Variants in SIRPB2 observed in about 807,000 individuals in gnomAD.
SIRPB2 encodes the protein signal regulatory protein beta 2.
In SIRPB2, 18 loss-of-function variants were observed where a neutral mutation model predicts 27.1. The observed-to-expected ratio is 0.66, with a 90% CI of 0.46 to 0.98. The LOEUF (loss-of-function observed/expected upper bound fraction) is 0.98, where lower values mean the gene tolerates loss of function less well. SIRPB2 is among the 50% of genes least tolerant of loss of function. The pLI is 0.00. For missense variants in SIRPB2, 420 were observed against 417.4 expected, an observed-to-expected ratio of 1.01 and a Z score of -0.06; for synonymous variants, 150 against 164.6, an observed-to-expected ratio of 0.91 and a Z score of 0.68.
At chr20:1,485,772 A>C (rs2090720219) in intron 1 of SIRPB2, among the ~76,000 whole-genome samples, 1 of 152,122 alleles carries the variant, frequency 6.6e-6, no homozygotes, top group South Asian at 2.1e-4. Flanking sequence ...GAAAGAACCT[A>C]AATTATTAAA....
At chr20:1,476,708 G>A (rs987818464) in intron 4 of SIRPB2, 17 of 1,048,936 alleles carry the variant, frequency 1.6e-5, no homozygotes, top group African/African-American at 1.0e-4. Flanking sequence ...AAGAAGTCAC[G>A]GGACCCAGGC....
intron 1 of SIRPB2, among the ~76,000 whole-genome samples, chr20:1,480,749 G>T (rs934907170): frequency 1.3e-5 from 2 of 152,178 alleles, no homozygotes; most frequent in African/African-American, 4.8e-5. Flanking sequence ...CATTTCTATT[G>T]TTCAAGCCGC....
At position 1,477,875 on chromosome 20, in the gene SIRPB2, G is replaced by A. The variant is rs374203558; in HGVS notation, c.793+391C>T. Among the ~76,000 whole-genome samples, 7 of 152,072 alleles carry A rather than the reference G, an allele frequency of 4.6e-5. No homozygotes were observed. In the East Asian group the frequency reaches 7.7e-4, roughly 17 times the overall value. On this transcript the variant is annotated intron_variant, in intron 3 of 4. Transcript: ENST00000359801. The stretch of plus-strand genomic sequence containing the variant: ...TTTTTATTACAGACGGGGTTTCACC[G>A]TGTTGGTCAGGCTGGTCTTGAACTC...
chr20:1,479,812 AT>A lies in SIRPB2; in HGVS notation c.338del (p.Tyr113LeufsTer16). On this transcript the variant is annotated frameshift_variant, in exon 2 of 5. Coordinates refer to ENST00000359801, the MANE Select transcript of SIRPB2 (RefSeq NM_001122962.2). LOFTEE classifies it high-confidence loss of function. ...SEPLNCDYSI[Y>X]IHNVTREHTG... ...TGTGCTCCCTGGTGACATTGTGGAT[AT>A]AGATGGAATAATCACAATTCAGTGG... is the stretch of plus-strand genomic sequence containing the variant. 6.2e-7 allele frequency: 1 copy of A among 1,614,260 alleles called. No homozygotes were observed. The highest frequency in any genetic ancestry group is 8.5e-7 in the Non-Finnish European group (1 of 1,180,050).
At chr20:1,479,069 G>A (rs1050863304) in intron 2 of SIRPB2, 4 of 165,996 alleles carry the variant, frequency 2.4e-5, no homozygotes, top group Admixed American at 1.1e-4. Flanking sequence ...TTAATCACCC[G>A]AATGACCCTT....
At chr20:1,476,749 G>T in intron 4 of SIRPB2, 1 of 1,054,546 alleles carries the variant, frequency 9.5e-7, no homozygotes, top group Non-Finnish European at 1.1e-6. Context: ...CAGGAGCAGG[G>T]CCGAGCATCA....
rs566235513 is a variant in SIRPB2 at position 1,475,346 on chromosome 20, A to T, written c.*821T>A. The T allele has an allele frequency of 7.2e-5, 11 of 152,358 alleles. No homozygotes were observed. Among genetic ancestry groups the T allele is most frequent in the African/African-American group, 1.9e-4 (8 of 41,568 alleles). The allele number at this position is 152,358 out of a possible 1,614,324, so 9.4% of individuals were successfully genotyped here. A position where few individuals can be genotyped will look rare whatever the true frequency, so the allele number is the denominator to read the frequency against. ...CTAGTGAAAACTTGCAGCTGGGCGC[A>T]TTGCTGCCAGAAATAAAGACTACAT... On this transcript the variant is annotated 3_prime_UTR_variant, in exon 5 of 5. Transcript: ENST00000359801.
chr20:1,484,363 A>G (rs1443599152), intron 1 of SIRPB2, among the ~76,000 whole-genome samples: 2 of 152,244 alleles, frequency 1.3e-5, no homozygotes, highest in South Asian at 2.1e-4. Flanking sequence ...ATATTAAACT[A>G]AAAAGCTTCT....
At chr20:1,477,264 T>C (rs768506702) in intron 4 of SIRPB2, 74 bp downstream of exon 4, 13 of 1,613,962 alleles carry the variant, frequency 8.1e-6, no homozygotes, top group Non-Finnish European at 1.0e-5. Flanking sequence ...ACTGCTCCCT[T>C]CCCATGACCA....
chr20:1,476,434 G>A (rs973000170), intron 4 of SIRPB2, 98 bp from the exon 5 acceptor site: 1 of 1,229,304 alleles, frequency 8.1e-7, no homozygotes, highest in Non-Finnish European at 1.1e-6. Flanking sequence ...TCCTGCTGCT[G>A]TATAACCTCT....
downstream of SIRPB2, chr20:1,473,918 C>T: frequency 2.2e-6 from 1 of 455,006 alleles, no homozygotes; most frequent in Non-Finnish European, 4.4e-6. Flanking sequence ...TTTCTGAAGT[C>T]CCGAAGTCTG....
chr20:1,479,742 A>C lies in SIRPB2; in HGVS notation c.409T>G (p.Ser137Ala). The change falls in exon 2 of 5, where the codon TCA (serine) becomes GCA (alanine). Residue 137 changes from serine (S) to alanine (A), a missense_variant. Transcript: ENST00000359801. ...GTGCCTTCATCCGATTTCATTTCTGAGTGTTCACTCAAACCATCAAACCTC... is the reference window on the plus strand; with the variant it reads ...GTGCCTTCATCCGATTTCATTTCTGCGTGTTCACTCAAACCATCAAACCTC... ...CVRFDGLSEH[S>A]EMKSDEGTSV... 6 of 1,614,174 alleles carry C rather than the reference A, an allele frequency of 3.7e-6. No individual in the cohort carries two copies. The highest frequency in any genetic ancestry group is 5.1e-6 in the Non-Finnish European group (6 of 1,180,034).
At position 1,487,320 on chromosome 20, in the gene SIRPB2, G is replaced by C. The variant is rs2090736194; in HGVS notation, c.85+3955C>G. On this transcript the variant is annotated intron_variant, in intron 1 of 4. Transcript: ENST00000359801. ...AAAAAATCAAGCCTAAATAAATAGA[G>C]AGGTACACACTGTTCATATGTTGGA... 2.0e-5 allele frequency among the ~76,000 whole-genome samples: 3 copies of C among 152,152 alleles called. 1 individual carries two copies. The South Asian group carries it at 6.2e-4, about 31-fold the overall frequency.
chr20:1,476,539 A>T, intron 4 of SIRPB2: 1 of 359,094 alleles, frequency 2.8e-6, no homozygotes, highest in Non-Finnish European at 3.9e-6. Flanking sequence ...TTCTGCCTGC[A>T]TCTGTAATCA....
At chr20:1,486,704 A>C (rs2090730201) in intron 1 of SIRPB2, among the ~76,000 whole-genome samples, 1 of 152,146 alleles carries the variant, frequency 6.6e-6, no homozygotes, top group African/African-American at 2.4e-5. Flanking sequence ...AAACTAACAC[A>C]CACACACACG....
intron 4 of SIRPB2, chr20:1,476,658 C>A (rs180719758): frequency 7.9e-6 from 8 of 1,008,338 alleles, no homozygotes; most frequent in Non-Finnish European, 7.2e-6. Flanking sequence ...GGAGACAGAC[C>A]CAGAGTGGGG....
Position 1,475,927 on chromosome 20 carries a change from A to C in SIRPB2, c.*240T>G. On this transcript the variant is annotated 3_prime_UTR_variant, in exon 5 of 5. Coordinates refer to ENST00000359801, the MANE Select transcript of SIRPB2 (RefSeq NM_001122962.2). Reference sequence around the variant, plus strand: ...GGGCAAGGGTGTTGAGGAGAGACTGAGCCAGGGACTGAAAAGCAAGGAGGT... The same window carrying C: ...GGGCAAGGGTGTTGAGGAGAGACTGCGCCAGGGACTGAAAAGCAAGGAGGT... 2.1e-6 allele frequency: 1 copy of C among 468,092 alleles called. No homozygotes were observed. Among genetic ancestry groups the C allele is most frequent in the Non-Finnish European group, 3.8e-6 (1 of 263,018 alleles). The allele number at this position is 468,092 out of a possible 1,614,324, so 29.0% of individuals were successfully genotyped here.
intron 4 of SIRPB2, chr20:1,476,937 T>C: frequency 8.4e-7 from 1 of 1,185,774 alleles, no homozygotes. Context: ...CGCTAGTTCA[T>C]AGAGTCAGAT....
chr20:1,478,475 T>G lies in SIRPB2; in HGVS notation c.584A>C (p.Gln195Pro). The stretch of plus-strand genomic sequence containing the variant: ...GGCCTCCCGGCTCAGACCAGCTCCC[T>G]GGAACCACCTGATGGGTCCAGGGGG... ...DGPPGPIRWF[Q>P]GAGLSREAIY... Residue 195 changes from glutamine to proline, a missense_variant, in exon 3 of 5, where the codon CAG (glutamine) becomes CCG (proline). By Grantham distance (76) the Gln-to-Pro change is moderately conservative. Coordinates refer to ENST00000359801, the MANE Select transcript of SIRPB2 (RefSeq NM_001122962.2). 6.2e-7 allele frequency: 1 copy of G among 1,614,180 alleles called. No individual in the cohort carries two copies. Among genetic ancestry groups the G allele is most frequent in the Non-Finnish European group, 8.5e-7 (1 of 1,180,038 alleles).
Sources: allele counts gnomAD v4.1 joint callset (sites outside exome capture counted in the v4.1 genomes callset), GRCh38; gene constraint gnomAD v4.1.1; transcripts MANE v1.5; gene names NCBI Gene and HGNC (gene_info 2026-07-23, HGNC 2026-07-21).